Variants in OR4F21 observed in about 807,000 individuals in gnomAD.
The protein encoded by OR4F21 is olfactory receptor 4F21.
For missense variants in OR4F21, 4 were observed against 155.6 expected, an observed-to-expected ratio of 0.03 and a Z score of 5.18; for synonymous variants, 4 against 57.2, an observed-to-expected ratio of 0.07 and a Z score of 4.20.
Position 166,840 on chromosome 8 carries a change from AG to A in OR4F21, c.184del (p.Leu62TyrfsTer10), listed in dbSNP as rs1800987282. 4.2e-6 allele frequency: 2 copies of A among 477,286 alleles called. 1 individual carries two copies. Among genetic ancestry groups the A allele is most frequent in the African/African-American group, 5.1e-5 (2 of 39,452 alleles). 29.6% of individuals were successfully genotyped at this position (477,286 alleles called of 1,614,324 possible). A position where few individuals can be genotyped will look rare whatever the true frequency, so the allele number is the denominator to read the frequency against. On this transcript the variant is annotated frameshift_variant, in exon 1 of 1. Coordinates refer to ENST00000320901, the MANE Select transcript of OR4F21 (RefSeq NM_001005504.1). LOFTEE classifies it high-confidence loss of function. The stretch of plus-strand genomic sequence containing the variant: ...GTCAATGAAGGAGAGACTGGCCAGT[AG>A]AAAGTACATGGGGGAGTGTAAGTGA... Reference protein sequence around the residue: ...DPHLHSPMYFLLASLSFIDLG... With the variant: ...DPHLHSPMYFXLASLSFIDLG...
chr8:166,851 G>T lies in OR4F21; in HGVS notation c.174C>A (p.Pro58=). 2.8e-6 allele frequency: 1 copy of T among 360,222 alleles called. No homozygotes were observed. Among genetic ancestry groups the T allele is most frequent in the Non-Finnish European group, 4.3e-6 (1 of 232,162 alleles). 22.3% of individuals were successfully genotyped at this position (360,222 alleles called of 1,614,324 possible). ...AGAGACTGGCCAGTAGAAAGTACAT[G>T]GGGGAGTGTAAGTGAGGGTCAGTGG... is the stretch of plus-strand genomic sequence containing the variant. The part of the protein sequence containing the change: ...SVTTDPHLHS[P]MYFLLASLSF... The change falls in exon 1 of 1, where the codon CCC becomes CCA. Residue 58 remains proline, a synonymous_variant. Transcript: ENST00000320901.
In OR4F21 at chr8:166,707, G is replaced by T; in HGVS notation, c.318C>A (p.Val106=). 2 of 1,452,560 alleles carry T rather than the reference G, an allele frequency of 1.4e-6. 1 individual carries two copies. Among genetic ancestry groups the T allele is most frequent in the Non-Finnish European group, 1.8e-6 (2 of 1,083,944 alleles). 90.0% of individuals were successfully genotyped at this position (1,452,560 alleles called of 1,614,324 possible). Reference sequence around the variant, plus strand: ...GCAGCACCATCTCCACACCACCAATGACGTGGATGAAGAAGATTTGAGCGA... The same window carrying T: ...GCAGCACCATCTCCACACCACCAATTACGTGGATGAAGAAGATTTGAGCGA... ...GCIAQIFFIH[V]IGGVEMVLLI... Residue 106 remains valine (V), a synonymous_variant, in exon 1 of 1, where the codon GTC becomes GTA. Transcript: ENST00000320901.
rs1429400385 is a variant in OR4F21 at position 166,715 on chromosome 8, TGAA to T, written c.307_309del (p.Phe103del). On this transcript the variant is annotated inframe_deletion, in exon 1 of 1. Coordinates refer to ENST00000320901, the MANE Select transcript of OR4F21 (RefSeq NM_001005504.1). ...ATCTCCACACCACCAATGACGTGGA[TGAA>T]GAAGATTTGAGCGATGCAGCCTCCA... The T allele has an allele frequency of 4.2e-6, 6 of 1,444,828 alleles. 2 individuals are homozygous for T. The highest frequency in any genetic ancestry group is 1.3e-5 in the South Asian group (1 of 77,642). The allele number at this position is 1,444,828 out of a possible 1,614,324, so 89.5% of individuals were successfully genotyped here.
Position 166,185 on chromosome 8 carries a change from AG to A in OR4F21, c.839del (p.Pro280LeufsTer3). 6.6e-6 allele frequency: 2 copies of A among 304,170 alleles called. No individual in the cohort carries two copies. The highest frequency in any genetic ancestry group is 1.1e-5 in the Non-Finnish European group (2 of 179,310). The allele number at this position is 304,170 out of a possible 1,614,324, so 18.8% of individuals were successfully genotyped here. Reference sequence around the variant, plus strand: ...ATGTATAGACAACTGGATTCAGAAAAGGAGTGAGAACTGCATCAAAAATAGC... The same window carrying A: ...ATGTATAGACAACTGGATTCAGAAAAGAGTGAGAACTGCATCAAAAATAGC... ...FLAIFDAVLTPFLNPVVYTFR... is the reference protein window; with the variant it reads ...FLAIFDAVLTXFLNPVVYTFR... On this transcript the variant is annotated frameshift_variant, in exon 1 of 1. Coordinates refer to ENST00000320901, the MANE Select transcript of OR4F21 (RefSeq NM_001005504.1). LOFTEE classifies it high-confidence loss of function.
Position 166,557 on chromosome 8 carries a change from G to A in OR4F21, c.468C>T (p.Ser156=). ...AVAWTLGVSH[S]LFQLAFLVNL... Reference sequence around the variant, plus strand: ...TAACAAGAAATGCCAGTTGGAACAGGGAGTGACTGACACCAAGGGTCCAGG... The same window carrying A: ...TAACAAGAAATGCCAGTTGGAACAGAGAGTGACTGACACCAAGGGTCCAGG... The change falls in exon 1 of 1, where the codon TCC becomes TCT. Residue 156 remains serine (S), a synonymous_variant. Coordinates refer to ENST00000320901, the MANE Select transcript of OR4F21 (RefSeq NM_001005504.1). 1 of 698,324 alleles carries A rather than the reference G, an allele frequency of 1.4e-6. No homozygotes were observed. The highest frequency in any genetic ancestry group is 3.3e-5 in the East Asian group (1 of 30,388). 43.3% of individuals were successfully genotyped at this position (698,324 alleles called of 1,614,324 possible). A position where few individuals can be genotyped will look rare whatever the true frequency, so the allele number is the denominator to read the frequency against.
In OR4F21 at chr8:166,632, G is replaced by C; in HGVS notation, c.393C>G (p.His131Gln). ...DRYVALCKPL[H>Q]YLTIMSPRMC... ...TTCTTGGGCTCATAATGGTCAGATA[G>C]TGGAGGGGCTTACATAGGGCCACAT... Residue 131 changes from histidine to glutamine, a missense_variant, in exon 1 of 1, where the codon CAC becomes CAG. Transcript: ENST00000320901. 2 of 1,275,162 alleles carry C rather than the reference G, an allele frequency of 1.6e-6. No individual in the cohort carries two copies. The highest frequency in any genetic ancestry group is 2.7e-5 in the East Asian group (1 of 36,598). The allele number at this position is 1,275,162 out of a possible 1,614,324, so 79.0% of individuals were successfully genotyped here.
Sources: allele counts gnomAD v4.1 joint callset, GRCh38; gene constraint gnomAD v4.1.1; transcripts MANE v1.5; gene names NCBI Gene and HGNC (gene_info 2026-07-23, HGNC 2026-07-21).